SAMSN1: variants seen among roughly 807,000 people sequenced by gnomAD.
SAMSN1 encodes the protein SAM domain-containing protein SAMSN-1.
In SAMSN1, 31 loss-of-function variants were observed where a neutral mutation model predicts 42.0. The observed-to-expected ratio is 0.74, with a 90% confidence interval of 0.55 to 1.00. The LOEUF (loss-of-function observed/expected upper bound fraction) is 1.00. Among genes scored for constraint, SAMSN1 ranks in the 50% least tolerant of loss-of-function variants. The pLI, the probability that SAMSN1 is intolerant of heterozygous loss-of-function variation, is 0.00. For synonymous variants in SAMSN1, 178 were observed against 151.9 expected (o/e 1.17, Z -1.26); for missense variants, 464 against 439.4 (o/e 1.06, Z -0.50).
chr21:14,631,415 GT>G (rs1243008879), intron 2 of SAMSN1, among the ~76,000 whole-genome samples: 2 of 152,214 alleles, frequency 1.3e-5, no homozygotes, highest in Admixed American at 6.5e-5. Context: ...TTGTTTGTTT[GT>G]TTTTTTCTTT....
intron 7 of SAMSN1, among the ~76,000 whole-genome samples, chr21:14,591,068 AT>A (rs1302837871): frequency 6.6e-6 from 1 of 152,208 alleles, no homozygotes; most frequent in African/African-American, 2.4e-5. Context: ...TGCAAATGAA[AT>A]ATTGATTGAA....
At chr21:14,508,836 A>C (rs777148618) in intron 5 of SAMSN1, among the ~76,000 whole-genome samples, 9 of 152,222 alleles carry the variant, frequency 5.9e-5, no homozygotes, top group Non-Finnish European at 1.2e-4. Flanking sequence ...TGGATAAAGA[A>C]ACTGTGGTAT....
chr21:14,605,158 A>G (rs1193582777), intron 5 of SAMSN1, among the ~76,000 whole-genome samples: 1 of 152,264 alleles, frequency 6.6e-6, no homozygotes, highest in Non-Finnish European at 1.5e-5. Context: ...TTATTCTAGC[A>G]TAGATACTTC....
At chr21:14,493,090 G>A (rs1028415260) in intron 7 of SAMSN1, among the ~76,000 whole-genome samples, 1 of 152,168 alleles carries the variant, frequency 6.6e-6, no homozygotes, top group Non-Finnish European at 1.5e-5. Context: ...GCTGCGGCCC[G>A]CCATTTGCCC....
chr21:14,512,005 G>A (rs536101255), intron 4 of SAMSN1, among the ~76,000 whole-genome samples: 2 of 152,082 alleles, frequency 1.3e-5, no homozygotes, highest in South Asian at 2.1e-4. Flanking sequence ...AGTGGTCGGG[G>A]GAGAAAGAAT....
chr21:14,553,104 A>C (rs527255661), intron 2 of SAMSN1, among the ~76,000 whole-genome samples: 1 of 151,660 alleles, frequency 6.6e-6, no homozygotes, highest in African/African-American at 2.4e-5. Flanking sequence ...TATTTTCTTG[A>C]TTTATGCATT....
intron 5 of SAMSN1, among the ~76,000 whole-genome samples, chr21:14,506,259 A>G (rs940101283): frequency 6.6e-6 from 1 of 152,190 alleles, no homozygotes; most frequent in Non-Finnish European, 1.5e-5. Flanking sequence ...ACAAAAAAAT[A>G]TGAAAGATAA....
intron 2 of SAMSN1, among the ~76,000 whole-genome samples, chr21:14,627,277 G>A (rs1251251137): frequency 1.3e-5 from 2 of 150,814 alleles, no homozygotes; most frequent in African/African-American, 2.4e-5. Flanking sequence ...AAAGTATAAT[G>A]AAAAAAAAAG....
At chr21:14,556,011 A>G (rs1186498352) in intron 2 of SAMSN1, among the ~76,000 whole-genome samples, 1 of 152,228 alleles carries the variant, frequency 6.6e-6, no homozygotes, top group Non-Finnish European at 1.5e-5. Flanking sequence ...TCAATAGACC[A>G]TGATTTCCTG....
At chr21:14,646,142 A>T (rs551574532) in intron 1 of SAMSN1, among the ~76,000 whole-genome samples, 1 of 152,182 alleles carries the variant, frequency 6.6e-6, no homozygotes, top group African/African-American at 2.4e-5. Flanking sequence ...CTAGAGAAAG[A>T]TATCAGTAGC....
chr21:14,626,836 A>G (rs1210823173), intron 2 of SAMSN1, among the ~76,000 whole-genome samples: 8 of 152,226 alleles, frequency 5.3e-5, no homozygotes, highest in Non-Finnish European at 8.8e-5. Flanking sequence ...ACGTATGTTT[A>G]TTGTGGCACT....
intron 1 of SAMSN1, among the ~76,000 whole-genome samples, chr21:14,531,138 A>G (rs1979244065): frequency 6.6e-6 from 1 of 152,154 alleles, no homozygotes; most frequent in South Asian, 2.1e-4. Flanking sequence ...GTAATATTGA[A>G]GATGATGGTT....
At chr21:14,499,810 G>GA (rs944058107) in intron 6 of SAMSN1, among the ~76,000 whole-genome samples, 5 of 151,968 alleles carry the variant, frequency 3.3e-5, no homozygotes, top group African/African-American at 7.2e-5. Flanking sequence ...AGATAATTCA[G>GA]AAAAAAACAA....
intron 1 of SAMSN1, among the ~76,000 whole-genome samples, chr21:14,652,877 A>G (rs915334163): frequency 6.6e-6 from 1 of 152,056 alleles, no homozygotes; most frequent in African/African-American, 2.4e-5. Flanking sequence ...GGGCAAAAGA[A>G]TTTGAATAGA....
intron 2 of SAMSN1, among the ~76,000 whole-genome samples, chr21:14,619,162 C>T (rs948403467): frequency 1.3e-5 from 2 of 152,180 alleles, no homozygotes; most frequent in Non-Finnish European, 2.9e-5. Flanking sequence ...TATTTCTATT[C>T]TCATGCAGAG....
intron 4 of SAMSN1, among the ~76,000 whole-genome samples, chr21:14,612,158 G>T (rs895264748): frequency 6.6e-6 from 1 of 152,160 alleles, no homozygotes; most frequent in Non-Finnish European, 1.5e-5. Context: ...GCTTGAACCC[G>T]GGAGGCAGAG....
At chr21:14,658,920 C>A, upstream of SAMSN1, 1 of 619,514 alleles carries the variant, frequency 1.6e-6, no homozygotes, top group South Asian at 1.9e-5. Context: ...ATTCAGAGAC[C>A]ATTATCAAAT....
In SAMSN1 at chr21:14,613,463, A is replaced by G. The variant is rs183869408; in HGVS notation, c.198-550T>C. Among the ~76,000 whole-genome samples, 5 of 152,324 alleles carry G rather than the reference A, an allele frequency of 3.3e-5. No individual in the cohort carries two copies. The East Asian group carries it at 9.6e-4, about 29-fold the overall frequency. On this transcript the variant is annotated intron_variant, in intron 3 of 15. Coordinates refer to the SAMSN1 transcript ENST00000647101. ...TCAATTCATGTGTGTGGGTGAACAC[A>G]CACATATCTCATAACTAACATTGTT...
intron 5 of SAMSN1, among the ~76,000 whole-genome samples, chr21:14,506,967 G>A (rs1375159901): frequency 2.0e-5 from 3 of 152,122 alleles, no homozygotes; most frequent in Admixed American, 1.3e-4. Flanking sequence ...AATAGATGCA[G>A]AAAAAGCATT....
Sources: allele counts gnomAD v4.1 joint callset (sites outside exome capture counted in the v4.1 genomes callset), GRCh38; gene constraint gnomAD v4.1.1; transcripts MANE v1.5; gene names NCBI Gene and HGNC (gene_info 2026-07-23, HGNC 2026-07-21).